The following CDH22 variants were observed in gnomAD, a reference collection of about 807,000 sequenced individuals.
CDH22 encodes the protein cadherin-22.
CDH22 carries 30 observed loss-of-function variants against 58.4 expected under a neutral mutation model. That is an observed-to-expected ratio of 0.51 (90% CI 0.38 to 0.70). The LOEUF (loss-of-function observed/expected upper bound fraction) is 0.70. Ranked by LOEUF, CDH22 falls within the 30% of genes least tolerant of loss-of-function variation. CDH22 has a pLI of 0.00. For missense variants in CDH22, 1,014 were observed against 1,233.9 expected (o/e 0.82, Z 2.67); for synonymous variants, 513 against 558.2 (o/e 0.92, Z 1.14).
At chr20:46,293,566 C>G (rs2086614931) in intron 1 of CDH22, among the ~76,000 whole-genome samples, 3 of 152,166 alleles carry the variant, frequency 2.0e-5, no homozygotes, top group African/African-American at 7.2e-5. Flanking sequence ...CACTCTTCCT[C>G]TGAGCCACAT....
intron 1 of CDH22, among the ~76,000 whole-genome samples, chr20:46,270,364 T>G (rs1272410711): frequency 1.3e-5 from 2 of 152,126 alleles, no homozygotes; most frequent in African/African-American, 2.4e-5. Flanking sequence ...CACCCCAGAC[T>G]GTGAGCAGGG....
intron 1 of CDH22, among the ~76,000 whole-genome samples, chr20:46,288,785 G>T (rs1316286303): frequency 1.3e-5 from 2 of 152,124 alleles, no homozygotes; most frequent in Non-Finnish European, 2.9e-5. Context: ...CCTTAAAATA[G>T]ATCCAGAATC....
intron 1 of CDH22, among the ~76,000 whole-genome samples, chr20:46,263,743 G>A (rs1339751372): frequency 6.6e-6 from 1 of 152,134 alleles, no homozygotes; most frequent in Non-Finnish European, 1.5e-5. Flanking sequence ...GGAGAAGCTA[G>A]GGAAACAGCT....
chr20:46,191,592 C>T (rs150437937), intron 8 of CDH22, among the ~76,000 whole-genome samples: 7 of 152,236 alleles, frequency 4.6e-5, no homozygotes, highest in East Asian at 1.9e-4. Flanking sequence ...CTGTCAACCA[C>T]GGTGGGAGGC....
Position 46,284,997 on chromosome 20 carries a change from C to T in CDH22, c.-400+23258G>A, listed in dbSNP as rs180840033. 5.6e-4 allele frequency among the ~76,000 whole-genome samples: 85 copies of T among 152,280 alleles called. 1 individual carries two copies. Among genetic ancestry groups the T allele is most frequent in the Admixed American group, 2.1e-3 (32 of 15,300 alleles). ...CATCTCTGCTCAGGCTTTCCCCCGA[C>T]CCCCAACCTGACCACTGTACCCAGT... is the stretch of plus-strand genomic sequence containing the variant. On this transcript the variant is annotated intron_variant, in intron 1 of 11. Transcript: ENST00000537909.
At chr20:46,306,399 T>C (rs1173917438) in intron 1 of CDH22, among the ~76,000 whole-genome samples, 3 of 152,198 alleles carry the variant, frequency 2.0e-5, no homozygotes, top group Non-Finnish European at 4.4e-5. Flanking sequence ...CAGTTAGGAA[T>C]AGGGAAAGGG....
chr20:46,227,048 C>T (rs2086180259), intron 4 of CDH22, among the ~76,000 whole-genome samples: 1 of 152,150 alleles, frequency 6.6e-6, no homozygotes, highest in Non-Finnish European at 1.5e-5. Flanking sequence ...CTTAAAGATG[C>T]TTGTGTTTTT....
At chr20:46,234,281 C>T (rs941373607) in intron 3 of CDH22, among the ~76,000 whole-genome samples, 4 of 152,214 alleles carry the variant, frequency 2.6e-5, no homozygotes, top group African/African-American at 9.6e-5. Context: ...GTGACTCTTT[C>T]CTCAAAGAAA....
intron 7 of CDH22, among the ~76,000 whole-genome samples, chr20:46,208,827 G>A (rs1048984415): frequency 8.5e-5 from 13 of 152,136 alleles, no homozygotes; most frequent in Admixed American, 5.2e-4. Flanking sequence ...TCCTGACCTC[G>A]GGTGATCTGC....
intron 8 of CDH22, among the ~76,000 whole-genome samples, chr20:46,188,313 C>A (rs776645865): frequency 4.6e-5 from 7 of 152,142 alleles, no homozygotes; most frequent in Non-Finnish European, 8.8e-5. Context: ...TCCAGCTCTG[C>A]TGTTTTATGT....
chr20:46,225,418 T>G (rs1457198279), intron 4 of CDH22, among the ~76,000 whole-genome samples: 2 of 152,202 alleles, frequency 1.3e-5, no homozygotes, highest in African/African-American at 2.4e-5. Context: ...TATGGAATAA[T>G]CTTCAAAATG....
At chr20:46,290,954 T>C (rs922125614) in intron 1 of CDH22, among the ~76,000 whole-genome samples, 1 of 152,146 alleles carries the variant, frequency 6.6e-6, no homozygotes, top group Non-Finnish European at 1.5e-5. Context: ...CTGCAACTTA[T>C]GTGACTGCCT....
In CDH22 at chr20:46,177,937, T is replaced by A. The variant is rs201893695; in HGVS notation, c.1915+9A>T. ...TCAGGCAGGGCTGGGTGGCTCTCGATGGACTCACCAACCAGGATGAGAACG... is the reference window on the plus strand; with the variant it reads ...TCAGGCAGGGCTGGGTGGCTCTCGAAGGACTCACCAACCAGGATGAGAACG... On this transcript the variant is annotated intron_variant, in intron 11 of 11. Transcript: ENST00000537909. The A allele has an allele frequency of 1.9e-3, 2,993 of 1,612,930 alleles. 4 individuals carry two copies. The highest frequency in any genetic ancestry group is 2.4e-3 in the Non-Finnish European group (2,793 of 1,179,430).
chr20:46,174,523 C>A lies in CDH22; in HGVS notation c.2470G>T (p.Glu824Ter). Residue 824 changes from glutamate (E) to a stop codon, truncating the protein, a stop_gained, in exon 12 of 12, where the codon GAG becomes TAG. Transcript: ENST00000537909. LOFTEE classifies it high-confidence loss of function. The surrounding 1 kb of genome is among the most constrained non-coding windows in gnomAD (Gnocchi z 4.4). ...ALYAGHRGDDEAQAS is the reference protein window; with the variant it reads ...ALYAGHRGDD ...GCGAGGGGCTAGGAGGCCTGGGCCT[C>A]GTCGTCCCCGCGGTGGCCGGCGTAG... 1 of 1,514,756 alleles carries A rather than the reference C, an allele frequency of 6.6e-7. No individual in the cohort carries two copies. Among genetic ancestry groups the A allele is most frequent in the Non-Finnish European group, 8.8e-7 (1 of 1,137,988 alleles). 93.8% of individuals were successfully genotyped at this position (1,514,756 alleles called of 1,614,324 possible). A position where few individuals can be genotyped will look rare whatever the true frequency, so the allele number is the denominator to read the frequency against.
At chr20:46,221,287 T>C (rs1438180437) in intron 4 of CDH22, among the ~76,000 whole-genome samples, 1 of 151,448 alleles carries the variant, frequency 6.6e-6, no homozygotes, top group Non-Finnish European at 1.5e-5. Flanking sequence ...TTTCTTTTTT[T>C]TTTTTTTTTA....
chr20:46,277,844 G>A (rs1308345908), intron 1 of CDH22, among the ~76,000 whole-genome samples: 3 of 151,832 alleles, frequency 2.0e-5, no homozygotes, highest in Non-Finnish European at 2.9e-5. Flanking sequence ...AGAGTGAAGC[G>A]AAGACAACTT....
rs1266885405 is a variant in CDH22 at position 46,251,423 on chromosome 20, C to T, written c.-129G>A. On this transcript the variant is annotated 5_prime_UTR_variant, in exon 2 of 12. Coordinates refer to ENST00000537909, the MANE Select transcript of CDH22 (RefSeq NM_021248.3). The surrounding 1 kb of genome is among the most constrained non-coding windows in gnomAD (Gnocchi z 6.7). ...AGCGCGGCCGCCGGGATGTCGCCCC[C>T]GACGGGGCACCCGGACGGGCCCGCG... is the stretch of plus-strand genomic sequence containing the variant. 6.3e-6 allele frequency: 7 copies of T among 1,115,256 alleles called. No homozygotes were observed. The highest frequency in any genetic ancestry group is 1.7e-5 in the African/African-American group (1 of 60,452). 69.1% of individuals were successfully genotyped at this position (1,115,256 alleles called of 1,614,324 possible).
At chr20:46,212,719 C>T (rs1003123556) in intron 6 of CDH22, among the ~76,000 whole-genome samples, 7 of 152,298 alleles carry the variant, frequency 4.6e-5, no homozygotes, top group Non-Finnish European at 8.8e-5. Context: ...GGATGTGAAG[C>T]ACACGTCAGA....
At chr20:46,196,103 C>T (rs1416731945) in intron 8 of CDH22, among the ~76,000 whole-genome samples, 2 of 152,116 alleles carry the variant, frequency 1.3e-5, no homozygotes, top group African/African-American at 2.4e-5. Flanking sequence ...CTGGCTGGCT[C>T]CTGGGAAGCC....
Sources: allele counts gnomAD v4.1 joint callset (sites outside exome capture counted in the v4.1 genomes callset), GRCh38; gene constraint gnomAD v4.1.1; non-coding constraint Gnocchi (gnomAD v3.1); transcripts MANE v1.5; gene names NCBI Gene and HGNC (gene_info 2026-07-23, HGNC 2026-07-21).